Variants in PCDHA2 observed in about 807,000 individuals in gnomAD.
PCDHA2 encodes the protein protocadherin alpha-2.
In PCDHA2, 58 loss-of-function variants were observed where a neutral mutation model predicts 66.0. That is an observed-to-expected ratio of 0.88 (90% CI 0.71 to 1.09). The LOEUF is 1.09. Among genes scored for constraint, PCDHA2 ranks in the 50% least tolerant of loss-of-function variants. The pLI, the probability that PCDHA2 is intolerant of heterozygous loss-of-function variation, is 0.00. For missense variants in PCDHA2, 1,267 were observed against 1,242.3 expected, an observed-to-expected ratio of 1.02 and a Z score of -0.30; for synonymous variants, 634 against 554.0, an observed-to-expected ratio of 1.14 and a Z score of -2.03.
intron 1 of PCDHA2, among the ~76,000 whole-genome samples, chr5:140,926,178 GC>G (rs1221259064): frequency 6.6e-6 from 1 of 151,700 alleles, no homozygotes; most frequent in South Asian, 2.2e-4. Flanking sequence ...AGCGCGGAAA[GC>G]CCCCCGCAGC....
intron 1 of PCDHA2, chr5:140,850,039 G>A (rs1554143677): frequency 1.3e-6 from 2 of 1,596,568 alleles, no homozygotes; most frequent in African/African-American, 2.7e-5. Flanking sequence ...GCGGAGAGCG[G>A]CAAGGTGTAC....
At chr5:140,865,342 T>G (rs1437907469) in intron 1 of PCDHA2, 1 of 152,202 alleles carries the variant, frequency 6.6e-6, no homozygotes, top group Non-Finnish European at 1.5e-5. Flanking sequence ...AAAGAAATAG[T>G]ATATTTACAT....
rs1554148266 is a variant in PCDHA2 at position 140,856,152 on chromosome 5, A to C, written c.2388+58800A>C. On this transcript the variant is annotated intron_variant, in intron 1 of 3. Coordinates refer to ENST00000526136, the MANE Select transcript of PCDHA2 (RefSeq NM_018905.3). ...AGCGGCCAGCTCCACTACTCAGTCT[A>C]CGAGGAGGCCAGACACGGCACCTTC... The C allele has an allele frequency of 6.3e-6, 10 of 1,598,178 alleles. 1 individual carries two copies. Among genetic ancestry groups the C allele is most frequent in the Middle Eastern group, 1.7e-4 (1 of 5,990 alleles).
chr5:140,915,966 T>C (rs1420384919), intron 1 of PCDHA2, among the ~76,000 whole-genome samples: 1 of 152,160 alleles, frequency 6.6e-6, no homozygotes, highest in Non-Finnish European at 1.5e-5. Flanking sequence ...ATTTGCCTGA[T>C]ATTTTATTTG....
rs782144486 is a variant in PCDHA2, at chr5:140,875,746, C to A, written c.2388+78394C>A. ...TTTGTTTGTGAATTCTCGGATCGAC[C>A]GCGAGAAGCTGTGCGGGCGGAGCGC... is the stretch of plus-strand genomic sequence containing the variant. On this transcript the variant is annotated intron_variant, in intron 1 of 3. Coordinates refer to ENST00000526136, the MANE Select transcript of PCDHA2 (RefSeq NM_018905.3). 7.4e-6 allele frequency: 12 copies of A among 1,614,096 alleles called. No homozygotes were observed. In the East Asian group the frequency reaches 2.0e-4, roughly 27 times the overall value.
At chr5:140,967,422 A>C in intron 1 of PCDHA2, 6 of 1,613,338 alleles carry the variant, frequency 3.7e-6, no homozygotes, top group East Asian at 2.2e-5. Flanking sequence ...GACCGGGAGC[A>C]GGCAGCCTTG....
At chr5:140,951,440 A>G (rs1296002857) in intron 1 of PCDHA2, among the ~76,000 whole-genome samples, 2 of 152,004 alleles carry the variant, frequency 1.3e-5, no homozygotes, top group Non-Finnish European at 2.9e-5. Flanking sequence ...TGTAGGAAGC[A>G]TGATGCCGGC....
rs369163231 is a variant in PCDHA2 at position 140,807,788 on chromosome 5, G to C, written c.2388+10436G>C. 2.5e-6 allele frequency: 4 copies of C among 1,614,024 alleles called. No homozygotes were observed. The highest frequency in any genetic ancestry group is 3.4e-6 in the Non-Finnish European group (4 of 1,180,050). ...TGGGCTTATATTACGGAAATCTTTAGACAGAGAAGAAGCTCCGGAGATTTT... is the reference window on the plus strand; with the variant it reads ...TGGGCTTATATTACGGAAATCTTTACACAGAGAAGAAGCTCCGGAGATTTT... On this transcript the variant is annotated intron_variant, in intron 1 of 3. Coordinates refer to ENST00000526136, the MANE Select transcript of PCDHA2 (RefSeq NM_018905.3).
chr5:140,834,356 G>A, intron 1 of PCDHA2: 1 of 1,542,744 alleles, frequency 6.5e-7, no homozygotes, highest in Non-Finnish European at 8.7e-7. Context: ...AAGTTTTGCT[G>A]ACTAGAAAAA....
At chr5:140,832,758 A>G (rs1554133636) in intron 1 of PCDHA2, among the ~76,000 whole-genome samples, 1 of 152,224 alleles carries the variant, frequency 6.6e-6, no homozygotes, top group Non-Finnish European at 1.5e-5. Flanking sequence ...AGTAAAAGCA[A>G]GAATATTGTA....
chr5:140,942,588 A>G lies in PCDHA2; in HGVS notation c.2389-36361A>G, dbSNP rs1416575390. Among the ~76,000 whole-genome samples the G allele has an allele frequency of 2.0e-5, 3 of 149,704 alleles. No homozygotes were observed. The East Asian group carries it at 5.9e-4, about 29-fold the overall frequency. ...AAAATCTTCCCATATAGGATGTCAC[A>G]TATAATTATAGTGTTTATATTTGCC... On this transcript the variant is annotated intron_variant, in intron 1 of 3. Transcript: ENST00000526136.
intron 1 of PCDHA2, chr5:140,816,182 C>G (rs2126670067): frequency 7.9e-5 from 12 of 152,234 alleles, no homozygotes; most frequent in African/African-American, 2.9e-4. Flanking sequence ...CTTAGGCTTT[C>G]TTTACTCTCT....
chr5:141,000,005 C>T (rs2097888446), intron 3 of PCDHA2, among the ~76,000 whole-genome samples: 1 of 152,024 alleles, frequency 6.6e-6, no homozygotes. Context: ...ATTAGATTGG[C>T]CTCCCCATTG....
In PCDHA2 at chr5:140,857,261, T is replaced by C. The variant is rs145652579; in HGVS notation, c.2388+59909T>C. The C allele has an allele frequency of 4.9e-5, 79 of 1,598,562 alleles. 6 individuals carry two copies. The African/African-American group carries it at 9.1e-4, about 18-fold the overall frequency. On this transcript the variant is annotated intron_variant, in intron 1 of 3. Coordinates refer to ENST00000526136, the MANE Select transcript of PCDHA2 (RefSeq NM_018905.3). ...GGTGTCCACCTACAAGAATTACTACTCATTGGTGCTGGACAGCGCTCTGGA... is the reference window on the plus strand; with the variant it reads ...GGTGTCCACCTACAAGAATTACTACCCATTGGTGCTGGACAGCGCTCTGGA...
intron 1 of PCDHA2, among the ~76,000 whole-genome samples, chr5:140,957,326 C>G (rs2095350528): frequency 6.6e-6 from 1 of 152,118 alleles, no homozygotes; most frequent in African/African-American, 2.4e-5. Context: ...GAGCACAGTA[C>G]AGTAAGATAT....
At chr5:140,849,973 C>T in intron 1 of PCDHA2, 1 of 1,597,728 alleles carries the variant, frequency 6.3e-7, no homozygotes. Context: ...GTGTCCTACT[C>T]GCTGGTGGAG....
intron 1 of PCDHA2, among the ~76,000 whole-genome samples, chr5:140,888,313 G>C (rs1434881975): frequency 6.6e-6 from 1 of 152,154 alleles, no homozygotes; most frequent in Non-Finnish European, 1.5e-5. Context: ...ATTTGGCAAT[G>C]CCTGGATACA....
At chr5:141,000,415 A>T (rs1462372394) in intron 3 of PCDHA2, among the ~76,000 whole-genome samples, 8 of 87,370 alleles carry the variant, frequency 9.2e-5, no homozygotes, top group African/African-American at 2.5e-4. Flanking sequence ...ATATATATAT[A>T]TATATATTTT....
chr5:140,866,649 T>G (rs1554160460), intron 1 of PCDHA2: 4 of 152,162 alleles, frequency 2.6e-5, no homozygotes, highest in African/African-American at 9.6e-5. Context: ...AAAATTTATT[T>G]ATGTGTTTTC....
Sources: gnomAD v4.1 joint callset for allele counts (sites outside exome capture counted in the v4.1 genomes callset) on GRCh38, gnomAD v4.1.1 for gene constraint, MANE v1.5 for transcripts, NCBI Gene and HGNC (gene_info 2026-07-23, HGNC 2026-07-21) for gene names.